FARP2: variants seen among roughly 807,000 people sequenced by gnomAD.
FARP2 encodes FERM, ARHGEF and pleckstrin domain-containing protein 2.
FARP2 carries 111 observed loss-of-function variants against 130.5 expected under a neutral mutation model. That is an observed-to-expected ratio of 0.85 (90% confidence interval 0.73 to 1.00). FARP2 has a LOEUF of 1.00. Ranked by LOEUF, FARP2 falls within the 50% of genes least tolerant of loss-of-function variation. FARP2 has a pLI of 0.00. For missense variants in FARP2, 1,385 were observed against 1,346.3 expected (o/e 1.03, Z -0.45); for synonymous variants, 504 against 516.9 (o/e 0.98, Z 0.34).
chr2:241,370,953 G>C (rs992585601), intron 1 of FARP2, among the ~76,000 whole-genome samples: 1 of 152,206 alleles, frequency 6.6e-6, no homozygotes, highest in African/African-American at 2.4e-5. Flanking sequence ...TAATAAATGT[G>C]TCAGTCAGTG....
chr2:241,457,584 GACCCA>G, intron 14 of FARP2, among the ~76,000 whole-genome samples: 6 of 92,650 alleles, frequency 6.5e-5, no homozygotes, highest in Admixed American at 1.1e-4. Flanking sequence ...TTGGGCGGGA[GACCCA>G]GTGTAGAAAG....
intron 7 of FARP2, among the ~76,000 whole-genome samples, chr2:241,416,320 G>A (rs1275650080): frequency 1.3e-5 from 2 of 152,126 alleles, no homozygotes; most frequent in Non-Finnish European, 2.9e-5. Flanking sequence ...CGGGAATACA[G>A]TTGAACTCTT....
intron 1 of FARP2, among the ~76,000 whole-genome samples, chr2:241,370,104 C>G (rs1031357687): frequency 6.6e-6 from 1 of 152,048 alleles, no homozygotes; most frequent in African/African-American, 2.4e-5. Flanking sequence ...GAAATAAGAT[C>G]TATTGTTTGG....
intron 3 of FARP2, 47 bp from the exon 4 acceptor site, chr2:241,404,750 TAG>T (rs1245151388): frequency 2.1e-6 from 3 of 1,414,662 alleles, no homozygotes. Flanking sequence ...ACTTGTTAAA[TAG>T]AGACATTATT....
chr2:241,401,070 A>G (rs905078200), intron 2 of FARP2, among the ~76,000 whole-genome samples: 1 of 152,190 alleles, frequency 6.6e-6, no homozygotes, highest in Admixed American at 6.5e-5. Context: ...TTCTTTAGAA[A>G]TTGTATGTAC....
At position 241,440,577 on chromosome 2, in the gene FARP2, G is replaced by A. The variant is rs556304948; in HGVS notation, c.1159-727G>A. On this transcript the variant is annotated intron_variant, in intron 12 of 26. Coordinates refer to ENST00000264042, the MANE Select transcript of FARP2 (RefSeq NM_014808.4). The stretch of plus-strand genomic sequence containing the variant: ...CTTGTGCCACTCCCATTGGCAAAGG[G>A]CATCCTAGGCAGTGACCCTCAACCT... Among the ~76,000 whole-genome samples, 13 of 152,266 alleles carry A rather than the reference G, an allele frequency of 8.5e-5. 1 individual carries two copies. The East Asian group carries it at 1.3e-3, about 16-fold the overall frequency.
intron 1 of FARP2, among the ~76,000 whole-genome samples, chr2:241,361,441 T>TACGTGGTC (rs2061184052): frequency 6.6e-6 from 1 of 152,170 alleles, no homozygotes; most frequent in African/African-American, 2.4e-5. Flanking sequence ...AATGTACCCT[T>TACGTGGTC]ACGTGGATCT....
intron 11 of FARP2, among the ~76,000 whole-genome samples, chr2:241,436,029 C>T (rs2063221727): frequency 6.7e-6 from 1 of 149,756 alleles, no homozygotes. Context: ...TCTCTTGCCT[C>T]AGCCTCCCAA....
At chr2:241,405,584 CTAAGA>C (rs2062312073) in intron 4 of FARP2, among the ~76,000 whole-genome samples, 1 of 152,128 alleles carries the variant, frequency 6.6e-6, no homozygotes, top group Non-Finnish European at 1.5e-5. Context: ...TACCAATAAA[CTAAGA>C]TAATGTACCT....
At chr2:241,392,921 C>T (rs1210477383) in intron 2 of FARP2, among the ~76,000 whole-genome samples, 1 of 148,308 alleles carries the variant, frequency 6.7e-6, no homozygotes, top group Non-Finnish European at 1.5e-5. Flanking sequence ...CCAGCCTGGG[C>T]AATAGAGCGA....
chr2:241,397,808 A>G (rs2062066537), intron 2 of FARP2, among the ~76,000 whole-genome samples: 1 of 151,086 alleles, frequency 6.6e-6, no homozygotes, highest in South Asian at 2.1e-4. Context: ...CATGAACTCC[A>G]AAGGTTTTTT....
At chr2:241,477,029 CTGG>C (rs1412010120) in intron 19 of FARP2, among the ~76,000 whole-genome samples, 1 of 151,516 alleles carries the variant, frequency 6.6e-6, no homozygotes, top group Non-Finnish European at 1.5e-5. Flanking sequence ...AGTTACCTGT[CTGG>C]GCATTTCATA....
In FARP2 at chr2:241,423,167, T is replaced by G. The variant is rs1486254617; in HGVS notation, c.771+5058T>G. 2.6e-5 allele frequency among the ~76,000 whole-genome samples: 4 copies of G among 151,968 alleles called. No homozygotes were observed. In the East Asian group the frequency reaches 7.7e-4, roughly 29 times the overall value. On this transcript the variant is annotated intron_variant, in intron 8 of 26. Coordinates refer to ENST00000264042, the MANE Select transcript of FARP2 (RefSeq NM_014808.4). ...GCCCCAAGACATATAATCATCAGAT[T>G]CTCCAAGGTTGAAATAAAAGAAAAA...
chr2:241,460,359 G>T (rs2063982011), intron 14 of FARP2, among the ~76,000 whole-genome samples: 1 of 152,112 alleles, frequency 6.6e-6, no homozygotes, highest in Non-Finnish European at 1.5e-5. Flanking sequence ...ACAGCTCACT[G>T]CAGCCTTGTA....
intron 11 of FARP2, 42 bp from the exon 12 acceptor site, chr2:241,436,438 AG>A (rs766466450): frequency 6.3e-7 from 1 of 1,587,534 alleles, no homozygotes; most frequent in Non-Finnish European, 8.7e-7. Context: ...GGCGCTGAGA[AG>A]GGGAGGGCTT....
intron 11 of FARP2, among the ~76,000 whole-genome samples, chr2:241,436,179 G>C (rs1285983879): frequency 6.6e-6 from 1 of 152,046 alleles, no homozygotes; most frequent in African/African-American, 2.4e-5. Context: ...AAAGTGCTGG[G>C]ATTACAGGTG....
chr2:241,424,825 A>G (rs952623453), intron 8 of FARP2, among the ~76,000 whole-genome samples: 2 of 152,226 alleles, frequency 1.3e-5, no homozygotes, highest in Admixed American at 6.5e-5. Context: ...AAACACCTCT[A>G]TGCACATAAA....
At chr2:241,397,858 C>T (rs2062068765) in intron 2 of FARP2, among the ~76,000 whole-genome samples, 1 of 128,062 alleles carries the variant, frequency 7.8e-6, no homozygotes, top group Non-Finnish European at 1.6e-5. Context: ...TTGAGACAGT[C>T]TCGCTCTGTC....
chr2:241,472,987 C>T (rs1303728551), intron 18 of FARP2, among the ~76,000 whole-genome samples: 1 of 150,358 alleles, frequency 6.7e-6, no homozygotes, highest in Non-Finnish European at 1.5e-5. Flanking sequence ...TCTGTGGGGA[C>T]CCTGTTCTGA....
Sources: gnomAD v4.1 joint callset for allele counts (sites outside exome capture counted in the v4.1 genomes callset) on GRCh38, gnomAD v4.1.1 for gene constraint, MANE v1.5 for transcripts, NCBI Gene and HGNC (gene_info 2026-07-23, HGNC 2026-07-21) for gene names.